The following COL17A1 variants were observed in gnomAD, a reference collection of about 807,000 sequenced individuals.
The protein encoded by COL17A1 is collagen alpha-1(XVII) chain.
A neutral mutation model predicts 218.4 loss-of-function variants in COL17A1; 181 were observed. The observed-to-expected ratio is 0.83, with a 90% CI of 0.73 to 0.94. The LOEUF (loss-of-function observed/expected upper bound fraction) is 0.94. Ranked by LOEUF, COL17A1 falls within the 40% of genes least tolerant of loss-of-function variation. The pLI, the probability that COL17A1 is intolerant of heterozygous loss-of-function variation, is 0.00. For missense variants in COL17A1, 1,924 were observed against 1,945.9 expected (o/e 0.99, Z 0.21); for synonymous variants, 721 against 731.0 (o/e 0.99, Z 0.22).
chr10:104,053,060 G>T lies in COL17A1; in HGVS notation c.1910C>A (p.Pro637His), dbSNP rs763247251. Reference sequence around the variant, plus strand: ...TTCCCCTTTCTCTCCAGATCCAGGAGGCCCTGCCTCACCACGAGGTCCCAT... The same window carrying T: ...TTCCCCTTTCTCTCCAGATCCAGGATGCCCTGCCTCACCACGAGGTCCCAT... The part of the protein sequence containing the change: ...GPMGPRGEAG[P>H]PGSGEKGERG... Residue 637 changes from proline to histidine, a missense_variant, in exon 23 of 56, where the codon CCT (proline) becomes CAT (histidine). Transcript: ENST00000648076. 1 of 1,614,144 alleles carries T rather than the reference G, an allele frequency of 6.2e-7. No individual in the cohort carries two copies. The highest frequency in any genetic ancestry group is 8.5e-7 in the Non-Finnish European group (1 of 1,180,036).
At chr10:104,079,909 A>G (rs1001001740) in intron 2 of COL17A1, among the ~76,000 whole-genome samples, 4 of 143,578 alleles carry the variant, frequency 2.8e-5, no homozygotes, top group Admixed American at 2.2e-4. Context: ...CCTGGGCAAC[A>G]GAGCAAGACT....
chr10:104,033,336 C>A lies in COL17A1; in HGVS notation c.4196G>T (p.Gly1399Val), dbSNP rs776308811. Residue 1399 changes from glycine to valine, a missense_variant, in exon 53 of 56, where the codon GGC (glycine) becomes GTC (valine). Coordinates refer to ENST00000648076, the MANE Select transcript of COL17A1 (RefSeq NM_000494.4). The stretch of plus-strand genomic sequence containing the variant: ...CTGTGGCCCAGGCTGGCCTGGTGGG[C>A]CCTGGACAGTGTAGGCCATCCCTTG... ...LLQGMAYTVQ[G>V]PPGQPGPQGP... is the part of the protein sequence containing the mutation. The A allele has an allele frequency of 1.2e-6, 2 of 1,609,482 alleles. No homozygotes were observed. Among genetic ancestry groups the A allele is most frequent in the Non-Finnish European group, 8.5e-7 (1 of 1,178,106 alleles).
intron 6 of COL17A1, 78 bp from the exon 7 acceptor site, chr10:104,073,323 A>G: frequency 7.7e-7 from 1 of 1,302,848 alleles, no homozygotes; most frequent in South Asian, 1.2e-5. Flanking sequence ...AGGCAGATAT[A>G]TTTGGGGAGG....
Position 104,033,334 on chromosome 10 carries a change from G to A in COL17A1, c.4198C>T (p.Pro1400Ser). 6.2e-7 allele frequency: 1 copy of A among 1,609,606 alleles called. No individual in the cohort carries two copies. Among genetic ancestry groups the A allele is most frequent in the South Asian group, 1.1e-5 (1 of 89,814 alleles). Residue 1400 changes from proline to serine, a missense_variant, in exon 53 of 56, where the codon CCA becomes TCA. By Grantham distance (74) the Pro-to-Ser change is moderately conservative. Coordinates refer to ENST00000648076, the MANE Select transcript of COL17A1 (RefSeq NM_000494.4). ...LQGMAYTVQG[P>S]PGQPGPQGPP... Reference sequence around the variant, plus strand: ...CCCTGTGGCCCAGGCTGGCCTGGTGGGCCCTGGACAGTGTAGGCCATCCCT... The same window carrying A: ...CCCTGTGGCCCAGGCTGGCCTGGTGAGCCCTGGACAGTGTAGGCCATCCCT...
intron 35 of COL17A1, 141 bp from the exon 36 acceptor site, chr10:104,042,596 G>T (rs2086371212): frequency 2.4e-6 from 2 of 823,870 alleles, no homozygotes; most frequent in Non-Finnish European, 4.1e-6. Context: ...AGCAATTCGA[G>T]ATCAGCCCTG....
intron 9 of COL17A1, among the ~76,000 whole-genome samples, chr10:104,069,721 C>T (rs1331602681): frequency 1.3e-5 from 2 of 152,054 alleles, no homozygotes; most frequent in Non-Finnish European, 2.9e-5. Flanking sequence ...AAAAGGACTT[C>T]GAACTCAAAC....
At chr10:104,059,975 AC>A in intron 14 of COL17A1, 143 bp downstream of exon 14, 1 of 1,401,082 alleles carries the variant, frequency 7.1e-7, no homozygotes. Flanking sequence ...CCTGGAACAT[AC>A]TATTCAGACA....
At chr10:104,041,671 G>A (rs921378079) in intron 36 of COL17A1, 133 bp from the exon 37 acceptor site, 10 of 745,964 alleles carry the variant, frequency 1.3e-5, no homozygotes, top group South Asian at 1.0e-4. Flanking sequence ...CAGGCCCTGT[G>A]TCATGGCACA....
intron 5 of COL17A1, among the ~76,000 whole-genome samples, chr10:104,076,040 T>C (rs1164938444): frequency 6.6e-6 from 1 of 152,268 alleles, no homozygotes; most frequent in Non-Finnish European, 1.5e-5. Context: ...GTCAAGGCAT[T>C]CTACACAGTG....
intron 29 of COL17A1, among the ~76,000 whole-genome samples, chr10:104,048,939 C>T (rs1477047995): frequency 1.3e-5 from 2 of 151,954 alleles, no homozygotes; most frequent in South Asian, 2.1e-4. Context: ...TGAGTTCAAG[C>T]GATCATCCTG....
chr10:104,036,121 A>T (rs61861278), intron 48 of COL17A1, among the ~76,000 whole-genome samples: 11 of 782 alleles, frequency 0.014, 3 homozygotes, highest in Admixed American at 0.053. Flanking sequence ...TGTGTATGGG[A>T]GTGTGTGTAT....
At chr10:104,042,956 C>T (rs951999501) in intron 35 of COL17A1, among the ~76,000 whole-genome samples, 1 of 152,138 alleles carries the variant, frequency 6.6e-6, no homozygotes, top group Non-Finnish European at 1.5e-5. Context: ...CAGTTGAAAC[C>T]ACAGAGCAGG....
At chr10:104,079,835 G>A (rs1218411708) in intron 2 of COL17A1, among the ~76,000 whole-genome samples, 1 of 151,350 alleles carries the variant, frequency 6.6e-6, no homozygotes, top group African/African-American at 2.4e-5. Context: ...GCTGAGACAG[G>A]AGAATGGCTT....
chr10:104,078,416 A>G, intron 3 of COL17A1, 126 bp downstream of exon 3: 1 of 1,197,576 alleles, frequency 8.4e-7, no homozygotes, highest in South Asian at 1.3e-5. Context: ...GTTGTATAGA[A>G]ATTAATGTCA....
intron 1 of COL17A1, among the ~76,000 whole-genome samples, chr10:104,081,955 G>C (rs955101206): frequency 1.3e-5 from 2 of 152,162 alleles, no homozygotes; most frequent in African/African-American, 4.8e-5. Flanking sequence ...GGCCTACAAA[G>C]GCAAAAGTGT....
rs2086248086 is a variant in COL17A1 at position 104,034,192 on chromosome 10, C to T, written c.3909G>A (p.Arg1303=). ...TCATGGAAGAGCTGTAGGAGCTGCC[C>T]CGCCTGACAGATGAGCTGTGTGAGG... is the stretch of plus-strand genomic sequence containing the variant. ...SSSSHSSSVR[R]GSSYSSSMST... The change falls in exon 52 of 56, where the codon CGG becomes CGA. Residue 1303 remains arginine (R), a synonymous_variant. Coordinates refer to ENST00000648076, the MANE Select transcript of COL17A1 (RefSeq NM_000494.4). 6.2e-7 allele frequency: 1 copy of T among 1,613,320 alleles called. No individual in the cohort carries two copies. Among genetic ancestry groups the T allele is most frequent in the Non-Finnish European group, 8.5e-7 (1 of 1,179,944 alleles).
chr10:104,050,728 C>G (rs2134606359), intron 26 of COL17A1, 72 bp from the exon 27 acceptor site: 1 of 1,613,950 alleles, frequency 6.2e-7, no homozygotes, highest in Non-Finnish European at 8.5e-7. Flanking sequence ...ATGTCTGTCT[C>G]TGAAGACAGG....
chr10:104,040,059 G>A, intron 40 of COL17A1, 60 bp from the exon 41 acceptor site: 1 of 1,592,070 alleles, frequency 6.3e-7, no homozygotes, highest in Non-Finnish European at 8.6e-7. Flanking sequence ...TGGTTTCAAT[G>A]GGCCCATGGA....
chr10:104,034,586 G>T, intron 51 of COL17A1, 35 bp downstream of exon 51: 1 of 1,603,070 alleles, frequency 6.2e-7, no homozygotes, highest in South Asian at 1.1e-5. Flanking sequence ...AGGCCTGCGG[G>T]GTGCCTGGTG....
Sources: allele counts gnomAD v4.1 joint callset (sites outside exome capture counted in the v4.1 genomes callset), GRCh38; gene constraint gnomAD v4.1.1; transcripts MANE v1.5; gene names NCBI Gene and HGNC (gene_info 2026-07-23, HGNC 2026-07-21).